MAP3K15: variants seen among roughly 807,000 people sequenced by gnomAD.
MAP3K15 encodes the protein MAPK/ERK kinase kinase 15.
MAP3K15 carries 124 observed loss-of-function variants against 99.5 expected under a neutral mutation model. The observed-to-expected ratio is 1.25, with a 90% CI of 1.08 to 1.45. The LOEUF (loss-of-function observed/expected upper bound fraction) is 1.45. Among genes scored for constraint, MAP3K15 ranks in the 40% most tolerant of loss-of-function variants. MAP3K15 has a pLI of 0.00. For missense variants in MAP3K15, 1,242 were observed against 1,079.7 expected, an observed-to-expected ratio of 1.15 and a Z score of -2.11; for synonymous variants, 494 against 439.6, an observed-to-expected ratio of 1.12 and a Z score of -1.55.
intron 18 of MAP3K15, among the ~76,000 whole-genome samples, chrX:19,382,408 G>GTCCT (rs2063464894): frequency 9.0e-6 from 1 of 111,553 alleles, no homozygotes; most frequent in African/African-American, 3.3e-5. Flanking sequence ...CTGCGCTGAT[G>GTCCT]GCAACGTTCT....
At chrX:19,369,851 A>G (rs1196541935) in intron 24 of MAP3K15, among the ~76,000 whole-genome samples, 1 of 110,403 alleles carries the variant, frequency 9.1e-6, no homozygotes, top group Non-Finnish European at 1.9e-5. Flanking sequence ...TGGAGGTTGC[A>G]GTGAGGCGAG....
chrX:19,480,643 G>A (rs1162155669), intron 3 of MAP3K15, among the ~76,000 whole-genome samples: 2 of 89,800 alleles, frequency 2.2e-5, no homozygotes, highest in African/African-American at 9.8e-5. Context: ...TGCAAAACCC[G>A]GTCTCTACTT....
intron 6 of MAP3K15, among the ~76,000 whole-genome samples, chrX:19,441,475 G>C (rs966370595): frequency 9.0e-6 from 1 of 111,408 alleles, no homozygotes; most frequent in South Asian, 3.8e-4. Context: ...ACTTTAAATG[G>C]GTTGTTTTTT....
At chrX:19,506,835 T>C (rs1239891877) in intron 1 of MAP3K15, among the ~76,000 whole-genome samples, 1 of 112,429 alleles carries the variant, frequency 8.9e-6, no homozygotes, top group Non-Finnish European at 1.9e-5. Flanking sequence ...AGTCTTATAG[T>C]TTTCCTATCG....
chrX:19,475,321 C>T (rs987820089), intron 3 of MAP3K15, among the ~76,000 whole-genome samples: 19 of 110,996 alleles, frequency 1.7e-4, no homozygotes, highest in African/African-American at 5.2e-4. Flanking sequence ...AGCGTTCGGG[C>T]GGTAATGCGA....
At chrX:19,444,613 G>A (rs146128331) in intron 6 of MAP3K15, among the ~76,000 whole-genome samples, 5 of 111,823 alleles carry the variant, frequency 4.5e-5, no homozygotes, top group Admixed American at 9.5e-5. Context: ...AACAGATCTC[G>A]AAGTGTACAT....
intron 6 of MAP3K15, among the ~76,000 whole-genome samples, chrX:19,433,225 C>A (rs767856768): frequency 5.4e-5 from 6 of 110,793 alleles, no homozygotes; most frequent in African/African-American, 2.0e-4. Context: ...CTTGACTGGG[C>A]TAAGGAAGAC....
chrX:19,370,072 G>C (rs1450104599), intron 24 of MAP3K15, among the ~76,000 whole-genome samples: 1 of 111,802 alleles, frequency 8.9e-6, no homozygotes, highest in African/African-American at 3.2e-5. Context: ...CAGTGCATTC[G>C]GGAGGGTGGG....
chrX:19,372,841 C>T lies in MAP3K15; in HGVS notation c.2934-14G>A, dbSNP rs368140397. ...TCGTCTGGAACACTGTGGACAAACA[C>T]GTGTGACAATCTCTGTGCGTGCCGG... On this transcript the variant is annotated splice_polypyrimidine_tract_variant and intron_variant, in intron 21 of 28. Transcript: ENST00000338883. 17 of 1,197,277 alleles carry T rather than the reference C, an allele frequency of 1.4e-5. No homozygotes were observed. Among genetic ancestry groups the T allele is most frequent in the Non-Finnish European group, 1.9e-5 (17 of 887,435 alleles).
chrX:19,374,919 G>A (rs2063406801), intron 19 of MAP3K15, among the ~76,000 whole-genome samples: 1 of 111,523 alleles, frequency 9.0e-6, no homozygotes, highest in Admixed American at 9.5e-5. Context: ...GGCCTTAAGA[G>A]GTCTTGTGGC....
chrX:19,418,230 A>G (rs1408773015), intron 9 of MAP3K15, among the ~76,000 whole-genome samples: 4 of 111,182 alleles, frequency 3.6e-5, no homozygotes, highest in South Asian at 7.6e-4. Flanking sequence ...GACTTCAGAC[A>G]ATCAAACTAC....
intron 15 of MAP3K15, among the ~76,000 whole-genome samples, chrX:19,395,723 T>C (rs2063563262): frequency 8.9e-6 from 1 of 111,792 alleles, no homozygotes; most frequent in Non-Finnish European, 1.9e-5. Context: ...CTACCTCTTC[T>C]TAAAACACAC....
chrX:19,371,410 C>T lies in MAP3K15; in HGVS notation c.3229G>A (p.Asp1077Asn). The change falls in exon 23 of 29, where the codon GAC (aspartate) becomes AAC (asparagine). Residue 1077 changes from aspartate to asparagine, a missense_variant. By Grantham distance (23) the Asp-to-Asn change is conservative (BLOSUM62 1). Transcript: ENST00000338883. The part of the protein sequence containing the change: ...MATTISKLKV[D>N]LDFDSSSISQ... ...ATGGACGAGCTGTCAAAGTCCAGGTCCACCTTGAGCTTTGATATTGTGGTC... is the reference window on the plus strand; with the variant it reads ...ATGGACGAGCTGTCAAAGTCCAGGTTCACCTTGAGCTTTGATATTGTGGTC... 1.7e-6 allele frequency: 2 copies of T among 1,211,078 alleles called. No homozygotes were observed. Among genetic ancestry groups the T allele is most frequent in the Non-Finnish European group, 2.2e-6 (2 of 895,013 alleles).
At chrX:19,408,682 A>G (rs1324654101) in intron 12 of MAP3K15, 1 of 111,531 alleles carries the variant, frequency 9.0e-6, no homozygotes, top group Admixed American at 9.6e-5. Flanking sequence ...TAAAAAATAA[A>G]AATACATATT....
chrX:19,479,344 C>T (rs764862547), intron 3 of MAP3K15, among the ~76,000 whole-genome samples: 2 of 110,989 alleles, frequency 1.8e-5, no homozygotes, highest in South Asian at 3.9e-4. Context: ...CATCCCAACC[C>T]AAGACAACTC....
In MAP3K15 at chrX:19,400,593, C is replaced by T. The variant is rs752523544; in HGVS notation, c.1915G>A (p.Asp639Asn). ...GSTVELEGETDGDTLEYEYDH... is the reference protein window; with the variant it reads ...GSTVELEGETNGDTLEYEYDH... Reference sequence around the variant, plus strand: ...TGACTCACCTCCAAGGTGTCTCCATCGGTCTCTCCCTCCAGCTCCACCGTA... The same window carrying T: ...TGACTCACCTCCAAGGTGTCTCCATTGGTCTCTCCCTCCAGCTCCACCGTA... The change falls in exon 14 of 29, where the codon GAT (aspartate) becomes AAT (asparagine). Residue 639 changes from aspartate (D) to asparagine (N), a missense_variant. By Grantham distance (23) the Asp-to-Asn change is conservative. Transcript: ENST00000338883. 31 of 1,201,825 alleles carry T rather than the reference C, an allele frequency of 2.6e-5. No homozygotes were observed. The highest frequency in any genetic ancestry group is 5.3e-5 in the South Asian group (3 of 56,463).
At chrX:19,398,841 G>C (rs2063586591) in intron 14 of MAP3K15, among the ~76,000 whole-genome samples, 1 of 111,030 alleles carries the variant, frequency 9.0e-6, no homozygotes, top group African/African-American at 3.3e-5. Flanking sequence ...TCAGGCATAC[G>C]GATCTAGTAG....
At chrX:19,502,964 A>G (rs755748298) in intron 1 of MAP3K15, among the ~76,000 whole-genome samples, 3 of 112,073 alleles carry the variant, frequency 2.7e-5, no homozygotes, top group South Asian at 3.7e-4. Flanking sequence ...GAACGCAGCA[A>G]GACCGGCCCA....
intron 26 of MAP3K15, among the ~76,000 whole-genome samples, chrX:19,362,153 C>A (rs1177225771): frequency 9.0e-6 from 1 of 110,532 alleles, no homozygotes; most frequent in African/African-American, 3.3e-5. Flanking sequence ...AGTCCCGTCA[C>A]CTCCCCATTC....
Sources: allele counts gnomAD v4.1 joint callset (sites outside exome capture counted in the v4.1 genomes callset), GRCh38; gene constraint gnomAD v4.1.1; transcripts MANE v1.5; gene names NCBI Gene and HGNC (gene_info 2026-07-23, HGNC 2026-07-21).